The following HHAT variants were observed in gnomAD, a reference collection of about 807,000 sequenced individuals.
HHAT encodes protein-cysteine N-palmitoyltransferase HHAT.
Under a neutral mutation model 70.8 loss-of-function variants are expected in HHAT, and 47 were observed. The observed-to-expected ratio is 0.66, with a 90% CI of 0.53 to 0.85. HHAT has a LOEUF of 0.85. HHAT is among the 40% of genes least tolerant of loss of function. The pLI is 0.00. For synonymous variants in HHAT, 228 were observed against 247.6 expected (o/e 0.92, Z 0.74); for missense variants, 609 against 604.8 (o/e 1.01, Z -0.07).
At chr1:210,656,038 C>T (rs1357595681) in intron 11 of HHAT, among the ~76,000 whole-genome samples, 2 of 152,172 alleles carry the variant, frequency 1.3e-5, no homozygotes, top group Non-Finnish European at 2.9e-5. Context: ...TGATTCCAAA[C>T]AAAGATGCCC....
intron 6 of HHAT, among the ~76,000 whole-genome samples, chr1:210,411,364 A>G (rs1192054081): frequency 6.6e-6 from 1 of 152,234 alleles, no homozygotes; most frequent in Non-Finnish European, 1.5e-5. Flanking sequence ...TGGCTTATTT[A>G]GAAACTGTAG....
At chr1:210,478,505 G>A (rs931415368) in intron 8 of HHAT, among the ~76,000 whole-genome samples, 1 of 152,078 alleles carries the variant, frequency 6.6e-6, no homozygotes, top group Non-Finnish European at 1.5e-5. Flanking sequence ...GAAGGTGAGG[G>A]GCCGAATCTC....
chr1:210,423,053 A>G (rs2092952872), intron 7 of HHAT, among the ~76,000 whole-genome samples: 1 of 152,242 alleles, frequency 6.6e-6, no homozygotes, highest in Non-Finnish European at 1.5e-5. Context: ...TCTCTTGAAT[A>G]TAATGATCTC....
At chr1:210,358,899 AC>A (rs1450102419) in intron 2 of HHAT, among the ~76,000 whole-genome samples, 5 of 152,258 alleles carry the variant, frequency 3.3e-5, no homozygotes, top group Non-Finnish European at 7.3e-5. Flanking sequence ...GTTTACCACC[AC>A]AGCTCATTGG....
intron 8 of HHAT, among the ~76,000 whole-genome samples, chr1:210,473,364 CT>C (rs1387373908): frequency 6.6e-6 from 1 of 152,140 alleles, no homozygotes; most frequent in African/African-American, 2.4e-5. Context: ...TGTTCAACCC[CT>C]TCTTCCCATG....
chr1:210,523,682 G>A (rs1019213686), intron 9 of HHAT, among the ~76,000 whole-genome samples: 2 of 152,178 alleles, frequency 1.3e-5, no homozygotes, highest in African/African-American at 4.8e-5. Context: ...GACTCATCTG[G>A]ATCTTCTGCG....
At chr1:210,666,300 C>T (rs1328693545) in intron 11 of HHAT, among the ~76,000 whole-genome samples, 1 of 152,198 alleles carries the variant, frequency 6.6e-6, no homozygotes, top group Non-Finnish European at 1.5e-5. Flanking sequence ...GGTTCAGCAA[C>T]AGCAGCCTTC....
intron 10 of HHAT, among the ~76,000 whole-genome samples, chr1:210,601,583 G>A (rs1320243156): frequency 6.6e-6 from 1 of 152,002 alleles, no homozygotes; most frequent in Non-Finnish European, 1.5e-5. Context: ...ACTCATTTAG[G>A]AAAAAAATTC....
chr1:210,350,640 T>G (rs2086933980), intron 2 of HHAT, among the ~76,000 whole-genome samples: 1 of 152,236 alleles, frequency 6.6e-6, no homozygotes, highest in South Asian at 2.1e-4. Flanking sequence ...GCTTATTAAT[T>G]CCAGGAGTTT....
At chr1:210,382,948 C>T (rs1358265928) in intron 3 of HHAT, among the ~76,000 whole-genome samples, 12 of 152,140 alleles carry the variant, frequency 7.9e-5, no homozygotes, top group Admixed American at 7.2e-4. Context: ...GGCTCTGCCC[C>T]TTACTAGGTT....
chr1:210,519,688 A>C (rs2095120918), intron 9 of HHAT, among the ~76,000 whole-genome samples: 1 of 87,558 alleles, frequency 1.1e-5, no homozygotes, highest in African/African-American at 3.0e-5. Context: ...CACCATGCCC[A>C]GCAATTTTTT....
chr1:210,451,320 G>A (rs2093752595), intron 7 of HHAT, among the ~76,000 whole-genome samples: 1 of 152,044 alleles, frequency 6.6e-6, no homozygotes, highest in African/African-American at 2.4e-5. Context: ...CACTTCTGTG[G>A]CATAAGATTT....
intron 6 of HHAT, among the ~76,000 whole-genome samples, chr1:210,412,896 T>G (rs769626818): frequency 1.3e-5 from 2 of 152,164 alleles, no homozygotes; most frequent in Non-Finnish European, 2.9e-5. Flanking sequence ...CCCTCACAGC[T>G]TTTCTGGTTG....
chr1:210,551,261 AG>A (rs2095525251), intron 9 of HHAT, among the ~76,000 whole-genome samples: 1 of 148,732 alleles, frequency 6.7e-6, no homozygotes, highest in South Asian at 2.2e-4. Flanking sequence ...CCAGGGAGAG[AG>A]GGGATGTCCC....
chr1:210,640,658 G>C (rs12092803), intron 11 of HHAT, among the ~76,000 whole-genome samples: 7,397 of 148,152 alleles, frequency 0.05, 314 homozygotes, highest in African/African-American at 0.12. Context: ...TGTAACCCCC[G>C]CACTCCGCCC....
At chr1:210,623,788 T>C in intron 11 of HHAT, 118 bp downstream of exon 11, 1 of 1,083,738 alleles carries the variant, frequency 9.2e-7, no homozygotes, top group Non-Finnish European at 1.3e-6. Flanking sequence ...GTTCATGGCA[T>C]GTGACCTCTA....
chr1:210,421,212 G>C (rs993546919), intron 7 of HHAT, among the ~76,000 whole-genome samples: 1 of 150,762 alleles, frequency 6.6e-6, no homozygotes, highest in East Asian at 1.9e-4. Flanking sequence ...GCTGGAGTCA[G>C]AACACTGCCA....
chr1:210,435,239 G>T (rs1032767596), intron 7 of HHAT, among the ~76,000 whole-genome samples: 1 of 151,674 alleles, frequency 6.6e-6, no homozygotes, highest in African/African-American at 2.4e-5. Flanking sequence ...ATCTTTTTGT[G>T]CTTGGCTTAG....
intron 8 of HHAT, among the ~76,000 whole-genome samples, chr1:210,474,809 C>A (rs1266377200): frequency 6.7e-6 from 1 of 150,106 alleles, no homozygotes; most frequent in Non-Finnish European, 1.5e-5. Flanking sequence ...CCTAACTTGG[C>A]CTCACCTCAG....
Sources: gnomAD v4.1 joint callset for allele counts (sites outside exome capture counted in the v4.1 genomes callset) on GRCh38, gnomAD v4.1.1 for gene constraint, MANE v1.5 for transcripts, NCBI Gene and HGNC (gene_info 2026-07-23, HGNC 2026-07-21) for gene names.